The following CACNA2D3 variants were observed in gnomAD, a reference collection of about 807,000 sequenced individuals.
The protein encoded by CACNA2D3 is calcium voltage-gated channel auxiliary subunit alpha2delta 3.
Under a neutral mutation model 160.6 loss-of-function variants are expected in CACNA2D3, and 60 were observed. The observed-to-expected ratio is 0.37, with a 90% CI of 0.30 to 0.46. The LOEUF is 0.46. Ranked by LOEUF, CACNA2D3 falls within the 20% of genes least tolerant of loss-of-function variation. The pLI is 1.00. For synonymous variants in CACNA2D3, 558 were observed against 492.9 expected (o/e 1.13, Z -1.75); for missense variants, 1,205 against 1,365.0 (o/e 0.88, Z 1.85).
intron 5 of CACNA2D3, among the ~76,000 whole-genome samples, chr3:54,532,581 C>G (rs1701822103): frequency 6.6e-6 from 1 of 152,186 alleles, no homozygotes; most frequent in East Asian, 1.9e-4. Context: ...AGTTATTCCA[C>G]TGAAGATAAT....
intron 18 of CACNA2D3, among the ~76,000 whole-genome samples, chr3:54,878,458 G>A (rs907199564): frequency 1.8e-4 from 27 of 152,002 alleles, no homozygotes; most frequent in Non-Finnish European, 3.2e-4. Flanking sequence ...ATACAGGGTC[G>A]CTCCTGTTCA....
At chr3:54,239,170 A>G (rs1701934376) in intron 2 of CACNA2D3, among the ~76,000 whole-genome samples, 1 of 152,242 alleles carries the variant, frequency 6.6e-6, no homozygotes, top group South Asian at 2.1e-4. Flanking sequence ...GCTCTGGGGT[A>G]GGACTTGGCT....
chr3:54,736,140 T>TATACAC (rs1442292197), intron 11 of CACNA2D3, among the ~76,000 whole-genome samples: 1 of 80,654 alleles, frequency 1.2e-5, no homozygotes, highest in African/African-American at 4.8e-5. Flanking sequence ...TGTATATATA[T>TATACAC]ACACACACAC....
At chr3:54,664,411 A>G (rs1700027710) in intron 11 of CACNA2D3, among the ~76,000 whole-genome samples, 1 of 152,174 alleles carries the variant, frequency 6.6e-6, no homozygotes, top group South Asian at 2.1e-4. Context: ...AAATTTTCAG[A>G]AATCTGTTGA....
intron 5 of CACNA2D3, among the ~76,000 whole-genome samples, chr3:54,527,738 A>G (rs970632688): frequency 7.2e-5 from 11 of 152,104 alleles, no homozygotes; most frequent in African/African-American, 2.4e-4. Flanking sequence ...ATGCCCTCCA[A>G]CTGTGAACTT....
At chr3:55,063,884 C>A (rs563221847) in intron 35 of CACNA2D3, among the ~76,000 whole-genome samples, 1 of 152,152 alleles carries the variant, frequency 6.6e-6, no homozygotes, top group East Asian at 1.9e-4. Flanking sequence ...TCATAATTGG[C>A]CAGGCCCAGT....
At chr3:54,618,374 T>TATATATACACACACACACACACAC in intron 9 of CACNA2D3, among the ~76,000 whole-genome samples, 1 of 54,586 alleles carries the variant, frequency 1.8e-5, no homozygotes, top group South Asian at 6.9e-4. Context: ...TATATATATA[T>TATATATACACACACACACACACAC]GCACACACAC....
chr3:54,331,741 T>A (rs756772266), intron 3 of CACNA2D3, among the ~76,000 whole-genome samples: 1 of 152,248 alleles, frequency 6.6e-6, no homozygotes, highest in Non-Finnish European at 1.5e-5. Flanking sequence ...AACTACCAAA[T>A]GAGACTGAGA....
At chr3:55,072,562 G>A (rs1704834912) in intron 35 of CACNA2D3, among the ~76,000 whole-genome samples, 1 of 152,186 alleles carries the variant, frequency 6.6e-6, no homozygotes, top group Non-Finnish European at 1.5e-5. Flanking sequence ...CATTTGTTAA[G>A]TTAAAATCTA....
At chr3:54,198,125 G>T (rs1353922153) in intron 2 of CACNA2D3, among the ~76,000 whole-genome samples, 1 of 152,220 alleles carries the variant, frequency 6.6e-6, no homozygotes, top group Non-Finnish European at 1.5e-5. Context: ...TAAAAGGCTG[G>T]TTCTGTTCTT....
intron 31 of CACNA2D3, among the ~76,000 whole-genome samples, chr3:54,994,495 T>C (rs1315791426): frequency 3.9e-5 from 6 of 152,170 alleles, no homozygotes; most frequent in Non-Finnish European, 8.8e-5. Context: ...GGCCAAACTT[T>C]CTGGAAGGCA....
At chr3:54,402,649 A>G (rs115290156) in intron 4 of CACNA2D3, among the ~76,000 whole-genome samples, 1 of 152,178 alleles carries the variant, frequency 6.6e-6, no homozygotes, top group Non-Finnish European at 1.5e-5. Flanking sequence ...AATTGACATT[A>G]AGGGAGAAAT....
chr3:55,051,639 C>G (rs553248132), intron 35 of CACNA2D3, among the ~76,000 whole-genome samples: 86 of 152,262 alleles, frequency 5.6e-4, no homozygotes, highest in African/African-American at 1.9e-3. Context: ...CCACCCAGTT[C>G]GAGCTTCCGG....
chr3:54,420,935 T>C (rs939146881), intron 4 of CACNA2D3, among the ~76,000 whole-genome samples: 1 of 152,202 alleles, frequency 6.6e-6, no homozygotes. Flanking sequence ...TGTAATAAAT[T>C]TGGAAAACAG....
intron 4 of CACNA2D3, among the ~76,000 whole-genome samples, chr3:54,493,146 C>T (rs944528271): frequency 7.1e-5 from 10 of 141,232 alleles, no homozygotes; most frequent in Admixed American, 2.3e-4. Context: ...GGCACAATCT[C>T]GGCTCGCTGC....
chr3:54,331,072 A>T (rs1389111398), intron 3 of CACNA2D3, among the ~76,000 whole-genome samples: 2 of 152,058 alleles, frequency 1.3e-5, no homozygotes, highest in African/African-American at 4.8e-5. Flanking sequence ...GTCATTGGAG[A>T]TGGGGAAATA....
At chr3:54,465,182 A>C (rs1190371638) in intron 4 of CACNA2D3, among the ~76,000 whole-genome samples, 1 of 148,244 alleles carries the variant, frequency 6.7e-6, no homozygotes, top group Non-Finnish European at 1.5e-5. Context: ...TGAATTCTTC[A>C]TTTCCAAGAT....
chr3:54,554,220 C>A (rs1447882885), intron 5 of CACNA2D3, among the ~76,000 whole-genome samples: 1 of 152,196 alleles, frequency 6.6e-6, no homozygotes, highest in Non-Finnish European at 1.5e-5. Context: ...TCCCCACTTT[C>A]CACAGACAGT....
intron 2 of CACNA2D3, among the ~76,000 whole-genome samples, chr3:54,130,379 T>C (rs1699683980): frequency 6.6e-6 from 1 of 152,220 alleles, no homozygotes; most frequent in African/African-American, 2.4e-5. Context: ...AGATGCTGTG[T>C]TGTTAAAGGA....
Sources: gnomAD v4.1 joint callset for allele counts (sites outside exome capture counted in the v4.1 genomes callset) on GRCh38, gnomAD v4.1.1 for gene constraint, MANE v1.5 for transcripts, NCBI Gene and HGNC (gene_info 2026-07-23, HGNC 2026-07-21) for gene names.